Variants in ENTPD3 observed in about 807,000 individuals in gnomAD.
ENTPD3 encodes the protein CD39 antigen-like 3.
In ENTPD3, 60 loss-of-function variants were observed where a neutral mutation model predicts 51.2. The observed-to-expected ratio is 1.17, with a 90% confidence interval of 0.95 to 1.45. The LOEUF (loss-of-function observed/expected upper bound fraction) is 1.45. ENTPD3 is among the 40% of genes most tolerant of loss of function. ENTPD3 has a pLI of 0.00. For missense variants in ENTPD3, 593 were observed against 641.1 expected, an observed-to-expected ratio of 0.93 and a Z score of 0.81; for synonymous variants, 221 against 238.4, an observed-to-expected ratio of 0.93 and a Z score of 0.67.
At chr3:40,412,015 T>A in intron 5 of ENTPD3, 53 bp downstream of exon 5, 1 of 1,492,642 alleles carries the variant, frequency 6.7e-7, no homozygotes. Context: ...ACCAAGAATA[T>A]GTTGAATCTT....
At chr3:40,426,107 C>CTTT (rs35267876) in intron 10 of ENTPD3, among the ~76,000 whole-genome samples, 55 of 112,448 alleles carry the variant, frequency 4.9e-4, no homozygotes, top group South Asian at 8.9e-4. Flanking sequence ...TTTTTCTTTT[C>CTTT]TTTTTTTTTT....
intron 8 of ENTPD3, 46 bp downstream of exon 8, chr3:40,423,168 C>T: frequency 6.3e-7 from 1 of 1,585,780 alleles, no homozygotes; most frequent in Non-Finnish European, 8.6e-7. Flanking sequence ...ATTGAATATT[C>T]ATTTCTCACT....
intron 10 of ENTPD3, 53 bp downstream of exon 10, chr3:40,424,016 A>G: frequency 6.2e-7 from 1 of 1,611,972 alleles, no homozygotes. Context: ...AGAGGTTTGT[A>G]TGTGTGTGTG....
In ENTPD3 at chr3:40,391,947, C is replaced by A. The variant is rs1013434721; in HGVS notation, c.41-76C>A. On this transcript the variant is annotated intron_variant, in intron 2 of 10. Transcript: ENST00000301825. Reference sequence around the variant, plus strand: ...TTATGCACCTGATTATGGGGCCAGTCCATCAATTCTACAAAGAATACCAGT... The same window carrying A: ...TTATGCACCTGATTATGGGGCCAGTACATCAATTCTACAAAGAATACCAGT... The A allele has an allele frequency of 9.7e-6, 15 of 1,548,428 alleles. No homozygotes were observed. In the African/African-American group the frequency reaches 1.4e-4, roughly 14 times the overall value.
At chr3:40,401,708 T>TATC (rs1444491985) in intron 4 of ENTPD3, among the ~76,000 whole-genome samples, 1 of 152,246 alleles carries the variant, frequency 6.6e-6, no homozygotes, top group East Asian at 1.9e-4. Flanking sequence ...ATAATTCTCA[T>TATC]ATCATGAAAT....
intron 6 of ENTPD3, 125 bp from the exon 7 acceptor site, chr3:40,415,715 T>A (rs532578694): frequency 3.0e-6 from 2 of 672,742 alleles, no homozygotes; most frequent in East Asian, 2.7e-5. Context: ...AAGGAAAGAA[T>A]TGGCCTCACA....
At chr3:40,392,205 A>C (rs760511711) in intron 3 of ENTPD3, 55 bp downstream of exon 3, 202 of 1,588,202 alleles carry the variant, frequency 1.3e-4, no homozygotes, top group Non-Finnish European at 1.7e-4. Flanking sequence ...AGGGGAAGAA[A>C]TCAATTATTC....
intron 3 of ENTPD3, among the ~76,000 whole-genome samples, chr3:40,399,873 C>T (rs1164756074): frequency 6.6e-6 from 1 of 152,178 alleles, no homozygotes; most frequent in Non-Finnish European, 1.5e-5. Flanking sequence ...TTGACATACA[C>T]ATTGCCAAAG....
At chr3:40,416,986 T>C (rs1006760852) in intron 7 of ENTPD3, among the ~76,000 whole-genome samples, 10 of 152,084 alleles carry the variant, frequency 6.6e-5, no homozygotes, top group Non-Finnish European at 2.9e-5. Flanking sequence ...ATCACAAAAG[T>C]GCATCTTCAG....
chr3:40,411,764 C>A, intron 4 of ENTPD3, 48 bp from the exon 5 acceptor site: 1 of 1,524,272 alleles, frequency 6.6e-7, no homozygotes, highest in Non-Finnish European at 8.8e-7. Context: ...TGTATCACTG[C>A]GATTGGTTCC....
chr3:40,400,789 G>T (rs9875245), intron 3 of ENTPD3, 105 bp from the exon 4 acceptor site: 238,559 of 776,752 alleles, frequency 0.31, 39,417 homozygotes, highest in East Asian at 0.49. Flanking sequence ...TTCCCTAAGC[G>T]AAGCAGTGTG....
At chr3:40,425,309 C>G (rs1242749780) in intron 10 of ENTPD3, among the ~76,000 whole-genome samples, 1 of 152,008 alleles carries the variant, frequency 6.6e-6, no homozygotes, top group Non-Finnish European at 1.5e-5. Flanking sequence ...CCCAGCTACT[C>G]AGAGGCTGAG....
intron 4 of ENTPD3, among the ~76,000 whole-genome samples, chr3:40,408,198 C>T (rs1291042880): frequency 6.6e-6 from 1 of 152,160 alleles, no homozygotes; most frequent in African/African-American, 2.4e-5. Flanking sequence ...CTGCATCACA[C>T]TATAAAGAAA....
chr3:40,409,194 G>A (rs1402979293), intron 4 of ENTPD3, among the ~76,000 whole-genome samples: 1 of 152,128 alleles, frequency 6.6e-6, no homozygotes, highest in Non-Finnish European at 1.5e-5. Flanking sequence ...GGAGGCTGTA[G>A]TGAGCCGAGA....
intron 10 of ENTPD3, among the ~76,000 whole-genome samples, chr3:40,426,590 T>A (rs1955990302): frequency 6.6e-6 from 1 of 152,100 alleles, no homozygotes; most frequent in African/African-American, 2.4e-5. Context: ...ATCAAGCAGG[T>A]GCCATTTATA....
chr3:40,423,141 G>GA lies in ENTPD3; in HGVS notation c.1104+22dup. The GA allele has an allele frequency of 6.3e-7, 1 of 1,599,388 alleles. No individual in the cohort carries two copies. The highest frequency in any genetic ancestry group is 8.5e-7 in the Non-Finnish European group (1 of 1,172,034). On this transcript the variant is annotated intron_variant, in intron 8 of 10. Coordinates refer to ENST00000301825, the MANE Select transcript of ENTPD3 (RefSeq NM_001248.4). ...ATTTGTGGTAAGAGCAAAACCTTCTGAAAGATTCCTTTCCCCATTGAATAT... is the reference window on the plus strand; with the variant it reads ...ATTTGTGGTAAGAGCAAAACCTTCTGAAAAGATTCCTTTCCCCATTGAATAT...
rs755423705 is a variant in ENTPD3 at position 40,411,840 on chromosome 3, C to G, written c.315C>G (p.Asn105Lys). ...CTGGAATCTCCAGCTATGGAAATAA[C>G]CCCCAAGATGTCCCCAGAGCCTTTG... The part of the protein sequence containing the change: ...KGSGISSYGN[N>K]PQDVPRAFEE... Residue 105 changes from asparagine to lysine, a missense_variant, in exon 5 of 11, where the codon AAC becomes AAG. Coordinates refer to ENST00000301825, the MANE Select transcript of ENTPD3 (RefSeq NM_001248.4). 3 of 1,596,078 alleles carry G rather than the reference C, an allele frequency of 1.9e-6. No individual in the cohort carries two copies. Among genetic ancestry groups the G allele is most frequent in the Admixed American group, 1.7e-5 (1 of 57,400 alleles).
chr3:40,428,604 T>C lies in ENTPD3; in HGVS notation c.*1096T>C, dbSNP rs1435426974. On this transcript the variant is annotated 3_prime_UTR_variant, in exon 11 of 11. Transcript: ENST00000301825. ...CTTAGCTGAATATGGAATAAAGAAC[T>C]ATTATTTTATTTTGACTTGCAAGGG... 1 of 152,188 alleles carries C rather than the reference T, an allele frequency of 6.6e-6. No individual in the cohort carries two copies. The highest frequency in any genetic ancestry group is 1.5e-5 in the Non-Finnish European group (1 of 68,044). The allele number at this position is 152,188 out of a possible 1,614,324, so 9.4% of individuals were successfully genotyped here.
chr3:40,388,125 G>T (rs370574221), intron 2 of ENTPD3, 28 bp downstream of exon 2: 1 of 1,613,384 alleles, frequency 6.2e-7, no homozygotes, highest in South Asian at 1.1e-5. Context: ...GGTAGCAAGC[G>T]TGGTTTTGCC....
Sources: gnomAD v4.1 joint callset for allele counts (sites outside exome capture counted in the v4.1 genomes callset) on GRCh38, gnomAD v4.1.1 for gene constraint, MANE v1.5 for transcripts, NCBI Gene and HGNC (gene_info 2026-07-23, HGNC 2026-07-21) for gene names.